Variants in PRRC2B observed in about 807,000 individuals in gnomAD.
The protein encoded by PRRC2B is proline rich coiled-coil 2B, also known as protein PRRC2B.
PRRC2B carries 68 observed loss-of-function variants against 242.3 expected under a neutral mutation model. That is an observed-to-expected ratio of 0.28 (90% CI 0.23 to 0.34). PRRC2B has a LOEUF of 0.34. Among genes scored for constraint, PRRC2B ranks in the 10% least tolerant of loss-of-function variants. PRRC2B has a pLI of 1.00. For synonymous variants in PRRC2B, 1,228 were observed against 1,173.6 expected (o/e 1.05, Z -0.95); for missense variants, 2,835 against 2,954.8 (o/e 0.96, Z 0.94).
At chr9:131,407,417 A>T (rs1564275464) in intron 1 of PRRC2B, among the ~76,000 whole-genome samples, 2 of 152,074 alleles carry the variant, frequency 1.3e-5, no homozygotes. Context: ...GTGAGGGTGC[A>T]TGCTCCCTTT....
At chr9:131,457,940 A>G (rs1425944776) in intron 10 of PRRC2B, among the ~76,000 whole-genome samples, 4 of 152,052 alleles carry the variant, frequency 2.6e-5, no homozygotes, top group Non-Finnish European at 5.9e-5. Context: ...GGGTAGACAC[A>G]CAGGCCCACA....
Position 131,482,627 on chromosome 9 carries a change from T to A in PRRC2B, c.5175+65T>A. ...TGGAAGGGGCCATCGTCTCATCATC[T>A]TCCTCAATTCCTGGGACAGTAGAAG... On this transcript the variant is annotated intron_variant, in intron 21 of 31. Transcript: ENST00000683519. This position sits in a 1 kb window ranked among gnomAD's most constrained non-coding sequence, Gnocchi z 5.2. The A allele has an allele frequency of 1.3e-6, 2 of 1,525,674 alleles. No individual in the cohort carries two copies. The highest frequency in any genetic ancestry group is 1.8e-6 in the Non-Finnish European group (2 of 1,132,518). 94.5% of individuals were successfully genotyped at this position (1,525,674 alleles called of 1,614,324 possible).
intron 10 of PRRC2B, among the ~76,000 whole-genome samples, chr9:131,458,524 G>A (rs868007827): frequency 6.6e-6 from 1 of 151,202 alleles, no homozygotes; most frequent in Admixed American, 6.6e-5. Flanking sequence ...TTTCTGAGAC[G>A]GAGTCTCTCT....
At chr9:131,420,472 TCTTTCTTTCTTTCTTTCTTTC>T (rs1564278540) in intron 1 of PRRC2B, among the ~76,000 whole-genome samples, 17 of 11,810 alleles carry the variant, frequency 1.4e-3, no homozygotes, top group African/African-American at 2.4e-3. Flanking sequence ...TTTCTTTCTT[TCTTTCTTTCTTTCTTTCTTTC>T]TTTTTTTTTT....
At chr9:131,400,887 C>T (rs879889367) in intron 1 of PRRC2B, among the ~76,000 whole-genome samples, 1 of 151,948 alleles carries the variant, frequency 6.6e-6, no homozygotes, top group Non-Finnish European at 1.5e-5. Flanking sequence ...CTGGGGAGAT[C>T]CTGGTCTGGT....
chr9:131,402,050 A>C (rs911263308), intron 1 of PRRC2B, among the ~76,000 whole-genome samples: 2 of 147,924 alleles, frequency 1.4e-5, no homozygotes, highest in Admixed American at 1.4e-4. Context: ...GGCTCACTGC[A>C]CCTCTACCTC....
chr9:131,441,524 C>T (rs535103791), intron 5 of PRRC2B, among the ~76,000 whole-genome samples: 7 of 152,268 alleles, frequency 4.6e-5, no homozygotes, highest in African/African-American at 1.2e-4. Flanking sequence ...GACCCTTTCT[C>T]TACACAAAAT....
chr9:131,484,968 T>C lies in PRRC2B; in HGVS notation c.5586T>C (p.Ala1862=). The stretch of plus-strand genomic sequence containing the variant: ...TGAAGATGGAGTCTGCGCGCAAGGC[T>C]TGGGAAAACTCCCCCAGTTTGCCGG... The part of the protein sequence containing the change: ...LTLKMESARK[A]WENSPSLPEQ... The change falls in exon 25 of 32, where the codon GCT becomes GCC. Residue 1862 remains alanine, a synonymous_variant. Transcript: ENST00000683519. 6.2e-7 allele frequency: 1 copy of C among 1,613,100 alleles called. No individual in the cohort carries two copies. Among genetic ancestry groups the C allele is most frequent in the South Asian group, 1.1e-5 (1 of 90,986 alleles).
intron 16 of PRRC2B, among the ~76,000 whole-genome samples, chr9:131,477,185 G>A (rs1030286862): frequency 6.6e-6 from 1 of 152,178 alleles, no homozygotes; most frequent in Non-Finnish European, 1.5e-5. Context: ...CTTGTGCCTC[G>A]GACAGGGAGG....
At chr9:131,401,580 G>A (rs553087465) in intron 1 of PRRC2B, among the ~76,000 whole-genome samples, 4 of 151,570 alleles carry the variant, frequency 2.6e-5, no homozygotes, top group East Asian at 1.9e-4. Flanking sequence ...CGAACTCCTG[G>A]CCTTAAGTGG....
Position 131,487,355 on chromosome 9 carries a change from G to T in PRRC2B, c.5984+61G>T. On this transcript the variant is annotated intron_variant, in intron 27 of 31. Coordinates refer to ENST00000683519, the MANE Select transcript of PRRC2B (RefSeq NM_013318.4). This position sits in a 1 kb window ranked among gnomAD's most constrained non-coding sequence, Gnocchi z 5.3. ...CACAGCCAGGGCCTTGGCCCTGTGT[G>T]CAGCCTTCGTCCTGCAGCTGTTTGG... 1 of 1,481,016 alleles carries T rather than the reference G, an allele frequency of 6.8e-7. No individual in the cohort carries two copies. The highest frequency in any genetic ancestry group is 1.4e-5 in the African/African-American group (1 of 71,546). The allele number at this position is 1,481,016 out of a possible 1,614,324, so 91.7% of individuals were successfully genotyped here.
At chr9:131,390,717 C>T (rs1372366726), upstream of PRRC2B, among the ~76,000 whole-genome samples, 6 of 148,198 alleles carry the variant, frequency 4.0e-5, no homozygotes, top group Admixed American at 2.7e-4. Context: ...CTCTTGACCT[C>T]GTGACCCACC....
intron 16 of PRRC2B, 120 bp downstream of exon 16, chr9:131,476,655 T>C: frequency 1.2e-6 from 1 of 811,366 alleles, no homozygotes; most frequent in Non-Finnish European, 1.9e-6. Context: ...CCCCAGGCCG[T>C]CTGTGCGCGT....
chr9:131,462,282 G>A (rs1352837624), intron 11 of PRRC2B, among the ~76,000 whole-genome samples: 4 of 151,896 alleles, frequency 2.6e-5, no homozygotes, highest in Admixed American at 1.3e-4. Flanking sequence ...GTGTGCTCTC[G>A]GCTCACTGCA....
chr9:131,482,938 T>G lies in PRRC2B; in HGVS notation c.5373+31T>G. The G allele has an allele frequency of 1.3e-6, 2 of 1,571,492 alleles. No homozygotes were observed. Among genetic ancestry groups the G allele is most frequent in the Non-Finnish European group, 1.7e-6 (2 of 1,157,828 alleles). On this transcript the variant is annotated intron_variant, in intron 22 of 31. Transcript: ENST00000683519. The surrounding 1 kb of genome is among the most constrained non-coding windows in gnomAD (Gnocchi z 5.2). ...GCTTTGATTTGTTTTCTTGCTTGCT[T>G]TTTTTACTTTTTATTTTGGTACTTG...
intron 13 of PRRC2B, among the ~76,000 whole-genome samples, chr9:131,468,651 A>C (rs939054900): frequency 3.3e-5 from 5 of 152,160 alleles, no homozygotes; most frequent in African/African-American, 1.2e-4. Flanking sequence ...TGGGACACTG[A>C]GATGATACAT....
chr9:131,375,359 A>G (rs528770262), intron 1 of PRRC2B, among the ~76,000 whole-genome samples: 6 of 152,256 alleles, frequency 3.9e-5, no homozygotes, highest in African/African-American at 1.4e-4. Context: ...AGATTGCGTC[A>G]CAGCACTCCA....
rs749250014 is a variant in PRRC2B at position 131,439,069 on chromosome 9, C to T, written c.469+8C>T. On this transcript the variant is annotated splice_region_variant and intron_variant, in intron 5 of 31. Coordinates refer to ENST00000683519, the MANE Select transcript of PRRC2B (RefSeq NM_013318.4). ...CAGTAGGACACGAAGGTGGTAAGTGCGCACGTGTGTGTGTTGTTTGGGGAC... is the reference window on the plus strand; with the variant it reads ...CAGTAGGACACGAAGGTGGTAAGTGTGCACGTGTGTGTGTTGTTTGGGGAC... 20 of 1,612,258 alleles carry T rather than the reference C, an allele frequency of 1.2e-5. No homozygotes were observed. Among genetic ancestry groups the T allele is most frequent in the East Asian group, 6.7e-5 (3 of 44,870 alleles).
At chr9:131,391,392 C>T (rs1836898666), upstream of PRRC2B, among the ~76,000 whole-genome samples, 1 of 152,090 alleles carries the variant, frequency 6.6e-6, no homozygotes, top group Admixed American at 6.6e-5. Context: ...GACTCCGACC[C>T]TCCTTCCTTC....
Sources: gnomAD v4.1 joint callset for allele counts (sites outside exome capture counted in the v4.1 genomes callset) on GRCh38, gnomAD v4.1.1 for gene constraint, Gnocchi (gnomAD v3.1) non-coding constraint, MANE v1.5 for transcripts, NCBI Gene and HGNC (gene_info 2026-07-23, HGNC 2026-07-21) for gene names.